The following WWOX variants were observed in gnomAD, a reference collection of about 807,000 sequenced individuals.
The protein encoded by WWOX is WW domain containing oxidoreductase, also known as WW domain-containing oxidoreductase.
WWOX carries 69 observed loss-of-function variants against 46.2 expected under a neutral mutation model. The observed-to-expected ratio is 1.49, with a 90% CI of 1.23 to 1.82. The LOEUF (loss-of-function observed/expected upper bound fraction) is 1.82, where lower values mean the gene tolerates loss of function less well. Among genes scored for constraint, WWOX ranks in the 40% most tolerant of loss-of-function variants. The pLI is 0.00. For missense variants in WWOX, 919 were observed against 542.6 expected (o/e 1.69, Z -6.89); for synonymous variants, 359 against 202.6 (o/e 1.77, Z -6.56).
chr16:78,764,594 C>G (rs553007866), intron 8 of WWOX, among the ~76,000 whole-genome samples: 1 of 141,370 alleles, frequency 7.1e-6, no homozygotes, highest in Non-Finnish European at 1.5e-5. Flanking sequence ...TGCCGTGCCC[C>G]GGGTGGGTTT....
rs577289689 is a variant in WWOX, at chr16:78,347,525, G to C, written c.517-39335G>C. On this transcript the variant is annotated intron_variant, in intron 5 of 8. Transcript: ENST00000566780. Reference sequence around the variant, plus strand: ...TCCTCGACACCCACACCTCTTGCATGTTCCTGAGCTTCTTAGGCGTGTTGC... The same window carrying C: ...TCCTCGACACCCACACCTCTTGCATCTTCCTGAGCTTCTTAGGCGTGTTGC... Among the ~76,000 whole-genome samples, 135 of 118,016 alleles carry C rather than the reference G, an allele frequency of 1.1e-3. 32 individuals are homozygous for C. Among genetic ancestry groups the C allele is most frequent in the African/African-American group, 3.7e-3 (127 of 34,708 alleles). The allele number at this position is 118,016 out of a possible 152,430, so 77.4% of individuals were successfully genotyped here.
chr16:78,623,254 C>T (rs1284905634), intron 8 of WWOX, among the ~76,000 whole-genome samples: 1 of 152,138 alleles, frequency 6.6e-6, no homozygotes, highest in African/African-American at 2.4e-5. Flanking sequence ...TGTTAGATGG[C>T]AACAGAAAAT....
At chr16:78,885,918 G>A (rs1277945289) in intron 8 of WWOX, among the ~76,000 whole-genome samples, 2 of 145,092 alleles carry the variant, frequency 1.4e-5, no homozygotes, top group African/African-American at 5.0e-5. Context: ...CAGGGATGGG[G>A]ATGGAATTTT....
chr16:78,173,276 C>G (rs1367344963), intron 5 of WWOX, among the ~76,000 whole-genome samples: 1 of 151,956 alleles, frequency 6.6e-6, no homozygotes, highest in Non-Finnish European at 1.5e-5. Context: ...CTGGGCAAAT[C>G]TGGTCATCTC....
At chr16:78,524,781 A>G (rs1465852962) in intron 8 of WWOX, among the ~76,000 whole-genome samples, 2 of 149,956 alleles carry the variant, frequency 1.3e-5, no homozygotes, top group African/African-American at 4.9e-5. Context: ...AATATATAGT[A>G]AGGGAGGTCA....
At chr16:78,426,529 G>A (rs927372508) in intron 7 of WWOX, among the ~76,000 whole-genome samples, 3 of 152,162 alleles carry the variant, frequency 2.0e-5, no homozygotes, top group African/African-American at 7.2e-5. Flanking sequence ...GAAAGGAAGG[G>A]ACTTGGGCTC....
At chr16:78,150,804 C>G (rs2034378477) in intron 4 of WWOX, among the ~76,000 whole-genome samples, 3 of 152,308 alleles carry the variant, frequency 2.0e-5, no homozygotes, top group Non-Finnish European at 2.9e-5. Context: ...TGGGGGTTAT[C>G]AATTATTCAC....
intron 3 of WWOX, among the ~76,000 whole-genome samples, chr16:78,112,439 A>G (rs1357714098): frequency 1.3e-5 from 2 of 152,126 alleles, no homozygotes; most frequent in Non-Finnish European, 2.9e-5. Context: ...TTTTGAGCAA[A>G]CCTGGTGAAC....
intron 8 of WWOX, among the ~76,000 whole-genome samples, chr16:78,539,818 G>T (rs1028650270): frequency 6.6e-6 from 1 of 152,074 alleles, no homozygotes; most frequent in Admixed American, 6.6e-5. Context: ...TTTGATGCTG[G>T]GAATGCGTTC....
At chr16:78,136,180 A>T (rs1304634416) in intron 4 of WWOX, among the ~76,000 whole-genome samples, 5 of 152,208 alleles carry the variant, frequency 3.3e-5, no homozygotes, top group African/African-American at 1.2e-4. Context: ...TGTAACATGT[A>T]AGAAATTACA....
chr16:79,009,643 G>A (rs1302962652), intron 8 of WWOX, among the ~76,000 whole-genome samples: 1 of 152,176 alleles, frequency 6.6e-6, no homozygotes, highest in Non-Finnish European at 1.5e-5. Context: ...TAAAGACAAG[G>A]TTTCCCCATG....
At chr16:79,209,629 T>C (rs145558008) in intron 8 of WWOX, among the ~76,000 whole-genome samples, 4 of 152,262 alleles carry the variant, frequency 2.6e-5, no homozygotes, top group African/African-American at 9.6e-5. Context: ...AATGAAAATA[T>C]ATGACAGATA....
chr16:79,076,822 G>C (rs1436611216), intron 8 of WWOX, among the ~76,000 whole-genome samples: 1 of 152,220 alleles, frequency 6.6e-6, no homozygotes, highest in Non-Finnish European at 1.5e-5. Flanking sequence ...AGATGAAACT[G>C]CTTAACGCAT....
chr16:78,844,600 G>C (rs746191858), intron 8 of WWOX, among the ~76,000 whole-genome samples: 1 of 152,148 alleles, frequency 6.6e-6, no homozygotes, highest in Admixed American at 6.5e-5. Context: ...GGGAAAGACC[G>C]CAGAATTCTG....
intron 6 of WWOX, among the ~76,000 whole-genome samples, chr16:78,421,594 T>G (rs1313846814): frequency 6.6e-6 from 1 of 152,190 alleles, no homozygotes; most frequent in Non-Finnish European, 1.5e-5. Flanking sequence ...GGAGGTACCA[T>G]TCAACTCACA....
intron 8 of WWOX, among the ~76,000 whole-genome samples, chr16:78,960,615 G>A (rs1477562601): frequency 6.6e-6 from 1 of 152,208 alleles, no homozygotes; most frequent in Non-Finnish European, 1.5e-5. Flanking sequence ...CAGAAATAAG[G>A]AAATTGTCTC....
At chr16:78,874,411 T>A (rs576691170) in intron 8 of WWOX, among the ~76,000 whole-genome samples, 41 of 152,186 alleles carry the variant, frequency 2.7e-4, no homozygotes, top group Non-Finnish European at 4.7e-4. Context: ...AGCTGTCAAG[T>A]CCCGCTCCCT....
intron 8 of WWOX, among the ~76,000 whole-genome samples, chr16:78,440,369 C>T (rs768475482): frequency 3.3e-5 from 5 of 152,110 alleles, no homozygotes; most frequent in Non-Finnish European, 5.9e-5. Flanking sequence ...AATACTCCTC[C>T]TCCACTCTTA....
At position 78,332,381 on chromosome 16, in the gene WWOX, C is replaced by G. The variant is rs1052572573; in HGVS notation, c.517-54479C>G. Among the ~76,000 whole-genome samples the G allele has an allele frequency of 4.6e-5, 7 of 152,166 alleles. No homozygotes were observed. The South Asian group carries it at 8.3e-4, about 18-fold the overall frequency. On this transcript the variant is annotated intron_variant, in intron 5 of 8. Coordinates refer to ENST00000566780, the MANE Select transcript of WWOX (RefSeq NM_016373.4). ...GCCTTCTAGCCAAGAATGGGTATTT[C>G]CTCTGTGCAATCTGAGGGCACGGGA...
Sources: gnomAD v4.1 joint callset for allele counts (sites outside exome capture counted in the v4.1 genomes callset) on GRCh38, gnomAD v4.1.1 for gene constraint, MANE v1.5 for transcripts, NCBI Gene and HGNC (gene_info 2026-07-23, HGNC 2026-07-21) for gene names.